Variants in ASTN1 observed in about 807,000 individuals in gnomAD.
The protein encoded by ASTN1 is astrotactin 1.
ASTN1 carries 41 observed loss-of-function variants against 140.7 expected under a neutral mutation model. The ratio of observed to expected loss-of-function variants is 0.29; its 90% CI spans 0.23 to 0.38. The LOEUF is 0.38. Among genes scored for constraint, ASTN1 ranks in the 10% least tolerant of loss-of-function variants. The pLI, the probability that ASTN1 is intolerant of heterozygous loss-of-function variation, is 1.00. For synonymous variants in ASTN1, 640 were observed against 652.2 expected (o/e 0.98, Z 0.29); for missense variants, 1,479 against 1,678.8 (o/e 0.88, Z 2.08).
intron 8 of ASTN1, chr1:176,981,787 G>A (rs1163126964): frequency 1.3e-5 from 2 of 152,626 alleles, no homozygotes; most frequent in African/African-American, 4.8e-5. Flanking sequence ...GGGAAGGGAG[G>A]AAAACATTTG....
At chr1:177,134,759 T>A (rs1033997105) in intron 1 of ASTN1, among the ~76,000 whole-genome samples, 20 of 152,164 alleles carry the variant, frequency 1.3e-4, no homozygotes, top group African/African-American at 4.8e-4. Context: ...GGTAAAAATG[T>A]ATACAGGAGG....
At chr1:177,120,128 A>G (rs1571812435) in intron 1 of ASTN1, among the ~76,000 whole-genome samples, 5 of 152,218 alleles carry the variant, frequency 3.3e-5, no homozygotes, top group Non-Finnish European at 7.3e-5. Context: ...AAAATGGAGG[A>G]GCAGTGGAGC....
chr1:176,869,665 A>G (rs1668260552), intron 21 of ASTN1, among the ~76,000 whole-genome samples: 1 of 152,190 alleles, frequency 6.6e-6, no homozygotes, highest in South Asian at 2.1e-4. Context: ...ATTCAGGGGT[A>G]GAAGGAAAGA....
intron 7 of ASTN1, among the ~76,000 whole-genome samples, chr1:177,019,581 T>A (rs941335350): frequency 4.6e-5 from 7 of 152,238 alleles, no homozygotes; most frequent in African/African-American, 1.7e-4. Context: ...CTCAAGTGCA[T>A]CCAAGTTCAA....
chr1:177,049,774 C>T (rs1297512355), intron 2 of ASTN1, among the ~76,000 whole-genome samples: 1 of 152,176 alleles, frequency 6.6e-6, no homozygotes, highest in Admixed American at 6.5e-5. Context: ...AAGCAGAGCC[C>T]TGGCTGGGAC....
intron 14 of ASTN1, among the ~76,000 whole-genome samples, chr1:176,943,645 C>A (rs1360754299): frequency 6.6e-6 from 1 of 152,134 alleles, no homozygotes; most frequent in Non-Finnish European, 1.5e-5. Context: ...GTTTTCAATG[C>A]ATCTCTGTGA....
intron 14 of ASTN1, among the ~76,000 whole-genome samples, chr1:176,941,518 C>T (rs1339453117): frequency 6.6e-6 from 1 of 152,094 alleles, no homozygotes; most frequent in Non-Finnish European, 1.5e-5. Flanking sequence ...CTCCAATGGG[C>T]CAAATTAGGA....
At chr1:176,871,319 G>A (rs1206534849) in intron 21 of ASTN1, among the ~76,000 whole-genome samples, 1 of 152,172 alleles carries the variant, frequency 6.6e-6, no homozygotes, top group Non-Finnish European at 1.5e-5. Flanking sequence ...GAGGAAAAAT[G>A]CTGGTGATAA....
At chr1:176,931,475 T>C (rs1671203162) in intron 16 of ASTN1, among the ~76,000 whole-genome samples, 1 of 150,282 alleles carries the variant, frequency 6.7e-6, no homozygotes, top group Admixed American at 6.6e-5. Context: ...TTTGAAAAAA[T>C]AAATAAATAA....
intron 2 of ASTN1, among the ~76,000 whole-genome samples, chr1:177,042,407 T>C (rs1251584305): frequency 2.0e-5 from 3 of 152,152 alleles, no homozygotes; most frequent in Non-Finnish European, 4.4e-5. Flanking sequence ...TTTGTGATGA[T>C]CTCAAAGTCC....
At chr1:176,975,046 C>G (rs539229776) in intron 8 of ASTN1, among the ~76,000 whole-genome samples, 2 of 152,328 alleles carry the variant, frequency 1.3e-5, no homozygotes, top group East Asian at 3.9e-4. Flanking sequence ...AAGGCAGAGG[C>G]AGAGTTCATC....
At chr1:177,013,812 C>T (rs565122995) in intron 8 of ASTN1, among the ~76,000 whole-genome samples, 1 of 152,278 alleles carries the variant, frequency 6.6e-6, no homozygotes, top group East Asian at 1.9e-4. Context: ...CTTCTCCTCC[C>T]ACCCTCCTTC....
At chr1:176,937,458 AC>A (rs1240750265) in intron 14 of ASTN1, among the ~76,000 whole-genome samples, 1 of 152,098 alleles carries the variant, frequency 6.6e-6, no homozygotes, top group Non-Finnish European at 1.5e-5. Context: ...ATAAACACAA[AC>A]TTACAGCCTC....
rs557109621 is a variant in ASTN1 at position 176,903,628 on chromosome 1, C to T, written c.2672-8798G>A. 4.4e-4 allele frequency among the ~76,000 whole-genome samples: 67 copies of T among 152,206 alleles called. 1 individual carries two copies. The highest frequency in any genetic ancestry group is 6.6e-4 in the Non-Finnish European group (45 of 67,982). ...GTACTTGATTCCGTTTTTTCATTTGCCTCCTACACTCCTCCTTTTTGATTC... is the reference window on the plus strand; with the variant it reads ...GTACTTGATTCCGTTTTTTCATTTGTCTCCTACACTCCTCCTTTTTGATTC... On this transcript the variant is annotated intron_variant, in intron 16 of 22. Coordinates refer to ENST00000361833, the MANE Select transcript of ASTN1 (RefSeq NM_004319.3).
At chr1:177,152,569 A>G (rs1683085699) in intron 1 of ASTN1, among the ~76,000 whole-genome samples, 1 of 152,098 alleles carries the variant, frequency 6.6e-6, no homozygotes, top group Non-Finnish European at 1.5e-5. Context: ...AGGGCAGTCA[A>G]GATTTGAACA....
At position 177,007,157 on chromosome 1, in the gene ASTN1, G is replaced by A. The variant is rs1027537470; in HGVS notation, c.1523+7634C>T. 3.9e-5 allele frequency among the ~76,000 whole-genome samples: 6 copies of A among 152,132 alleles called. No individual in the cohort carries two copies. The South Asian group carries it at 1.2e-3, about 32-fold the overall frequency. ...CTTGTAATCTCAGCCACTTTGGGAGGCTGAGGCGGGTGGATCACCTGAGGT... is the reference window on the plus strand; with the variant it reads ...CTTGTAATCTCAGCCACTTTGGGAGACTGAGGCGGGTGGATCACCTGAGGT... On this transcript the variant is annotated intron_variant, in intron 8 of 22. Coordinates refer to ENST00000361833, the MANE Select transcript of ASTN1 (RefSeq NM_004319.3).
At chr1:177,090,079 A>AAAAC (rs1679673393) in intron 1 of ASTN1, among the ~76,000 whole-genome samples, 1 of 152,010 alleles carries the variant, frequency 6.6e-6, no homozygotes, top group Non-Finnish European at 1.5e-5. Context: ...AAAATAATAT[A>AAAAC]AAACAAAGAC....
intron 1 of ASTN1, among the ~76,000 whole-genome samples, chr1:177,092,845 G>A (rs1679824886): frequency 6.6e-6 from 1 of 152,150 alleles, no homozygotes; most frequent in Non-Finnish European, 1.5e-5. Context: ...AGGCTGTAAA[G>A]TGATATCTCA....
At chr1:176,884,637 T>C in intron 18 of ASTN1, 147 bp from the exon 19 acceptor site, 1 of 877,456 alleles carries the variant, frequency 1.1e-6, no homozygotes, top group East Asian at 2.6e-5. Context: ...TTTCAAAAGA[T>C]AGTAATGTTT....
Sources: gnomAD v4.1 joint callset for allele counts (sites outside exome capture counted in the v4.1 genomes callset) on GRCh38, gnomAD v4.1.1 for gene constraint, MANE v1.5 for transcripts, NCBI Gene and HGNC (gene_info 2026-07-23, HGNC 2026-07-21) for gene names.